The following CNTNAP2 variants were observed in gnomAD, a reference collection of about 807,000 sequenced individuals.
CNTNAP2 encodes the protein contactin-associated protein-like 2.
CNTNAP2 carries 98 observed loss-of-function variants against 155.2 expected under a neutral mutation model. That is an observed-to-expected ratio of 0.63 (90% confidence interval 0.54 to 0.75). CNTNAP2 has a LOEUF of 0.75. Among genes scored for constraint, CNTNAP2 ranks in the 30% least tolerant of loss-of-function variants. The probability of loss-of-function intolerance (pLI) is 0.00; values close to 1 mark genes in which losing one functional copy is unlikely to be tolerated. For missense variants in CNTNAP2, 1,727 were observed against 1,688.1 expected, an observed-to-expected ratio of 1.02 and a Z score of -0.40; for synonymous variants, 651 against 631.2, an observed-to-expected ratio of 1.03 and a Z score of -0.47.
intron 18 of CNTNAP2, among the ~76,000 whole-genome samples, chr7:148,193,034 T>C (rs986495041): frequency 4.6e-5 from 7 of 152,302 alleles, no homozygotes; most frequent in East Asian, 1.9e-4. Context: ...AAAATGAAGA[T>C]TTTTTTCCTC....
At chr7:146,890,557 A>G (rs6464778) in intron 3 of CNTNAP2, among the ~76,000 whole-genome samples, 56,395 of 152,080 alleles carry the variant, frequency 0.37, 12,289 homozygotes, top group East Asian at 0.65. Flanking sequence ...CTGTTGAGTT[A>G]TAATTTATTT....
intron 14 of CNTNAP2, among the ~76,000 whole-genome samples, chr7:147,929,093 A>C (rs1298474911): frequency 2.7e-5 from 2 of 74,210 alleles, no homozygotes; most frequent in African/African-American, 1.8e-4. Context: ...ACTCCATCCC[A>C]AAAAAAAAAA....
intron 20 of CNTNAP2, among the ~76,000 whole-genome samples, chr7:148,244,352 A>G (rs1315703006): frequency 6.6e-6 from 1 of 152,184 alleles, no homozygotes; most frequent in East Asian, 1.9e-4. Flanking sequence ...ATTTATAAAA[A>G]CAATATTGAT....
chr7:147,639,827 G>T (rs186719195), intron 13 of CNTNAP2, among the ~76,000 whole-genome samples: 2 of 152,220 alleles, frequency 1.3e-5, no homozygotes, highest in Non-Finnish European at 2.9e-5. Context: ...GCTAGTGTGT[G>T]TGTGAGTGTG....
chr7:148,081,143 A>G (rs1803595851), intron 15 of CNTNAP2, among the ~76,000 whole-genome samples: 1 of 152,238 alleles, frequency 6.6e-6, no homozygotes, highest in Non-Finnish European at 1.5e-5. Context: ...AGAAGTTAGT[A>G]TCTTAAGCAA....
At chr7:147,906,298 T>A (rs1412845921) in intron 14 of CNTNAP2, among the ~76,000 whole-genome samples, 1 of 151,878 alleles carries the variant, frequency 6.6e-6, no homozygotes, top group African/African-American at 2.4e-5. Context: ...TTCAAGCAAT[T>A]CTCCTGCCTC....
At chr7:147,113,895 G>C (rs934135839) in intron 5 of CNTNAP2, among the ~76,000 whole-genome samples, 7 of 152,054 alleles carry the variant, frequency 4.6e-5, no homozygotes, top group Non-Finnish European at 8.8e-5. Context: ...AATTCTTTTA[G>C]TTGTGATGCT....
intron 8 of CNTNAP2, among the ~76,000 whole-genome samples, chr7:147,271,052 A>G (rs10276382): frequency 0.23 from 35,105 of 152,020 alleles, 5,220 homozygotes; most frequent in East Asian, 0.76. Flanking sequence ...TTGTATCTCT[A>G]CCAGCTCATT....
chr7:146,876,477 T>C (rs1795431334), intron 3 of CNTNAP2, among the ~76,000 whole-genome samples: 1 of 152,172 alleles, frequency 6.6e-6, no homozygotes, highest in Admixed American at 6.6e-5. Flanking sequence ...AAAATAAATG[T>C]CCTTCCTAGA....
intron 18 of CNTNAP2, among the ~76,000 whole-genome samples, chr7:148,193,854 G>A (rs1795235277): frequency 6.6e-6 from 1 of 151,674 alleles, no homozygotes; most frequent in Non-Finnish European, 1.5e-5. Flanking sequence ...GTCCACTGCT[G>A]TTCATTCCCA....
At chr7:148,386,345 C>A (rs370870876) in intron 22 of CNTNAP2, among the ~76,000 whole-genome samples, 2 of 151,912 alleles carry the variant, frequency 1.3e-5, no homozygotes, top group South Asian at 4.2e-4. Flanking sequence ...CTGACCAACA[C>A]GGTGAAAGCC....
chr7:146,408,856 AAAAAAGAAT>A (rs1795829299), intron 1 of CNTNAP2, among the ~76,000 whole-genome samples: 2 of 152,168 alleles, frequency 1.3e-5, no homozygotes, highest in African/African-American at 4.8e-5. Context: ...GATATTAAAA[AAAAAAGAAT>A]CAAGAAAAGA....
At chr7:148,016,880 G>A (rs1243743291) in intron 15 of CNTNAP2, among the ~76,000 whole-genome samples, 1 of 152,128 alleles carries the variant, frequency 6.6e-6, no homozygotes, top group African/African-American at 2.4e-5. Flanking sequence ...CTGCAGATCT[G>A]TCAAATTGTT....
intron 8 of CNTNAP2, among the ~76,000 whole-genome samples, chr7:147,164,807 T>A (rs1160868652): frequency 6.6e-6 from 1 of 152,208 alleles, no homozygotes; most frequent in Non-Finnish European, 1.5e-5. Context: ...GTGATTTTTG[T>A]TGTGTTTTAA....
At chr7:147,415,426 G>A (rs750988783) in intron 10 of CNTNAP2, among the ~76,000 whole-genome samples, 1 of 152,122 alleles carries the variant, frequency 6.6e-6, no homozygotes, top group Non-Finnish European at 1.5e-5. Flanking sequence ...TCATGGGCAT[G>A]GTTTCCCCCA....
At chr7:146,725,240 T>G (rs1563205581) in intron 1 of CNTNAP2, among the ~76,000 whole-genome samples, 1 of 152,174 alleles carries the variant, frequency 6.6e-6, no homozygotes, top group Non-Finnish European at 1.5e-5. Flanking sequence ...TCATTTAGCT[T>G]CATTTCATCT....
intron 11 of CNTNAP2, among the ~76,000 whole-genome samples, chr7:147,519,324 C>T (rs1420509199): frequency 6.6e-6 from 1 of 152,132 alleles, no homozygotes; most frequent in East Asian, 1.9e-4. Flanking sequence ...CATCGCATTG[C>T]TCTGGCACTG....
chr7:148,326,355 G>C (rs776412597), intron 21 of CNTNAP2, among the ~76,000 whole-genome samples: 4 of 152,002 alleles, frequency 2.6e-5, no homozygotes, highest in Non-Finnish European at 5.9e-5. Flanking sequence ...CATTGTGTAT[G>C]GTTTCCATGA....
intron 3 of CNTNAP2, among the ~76,000 whole-genome samples, chr7:146,937,516 T>C (rs1796944689): frequency 6.6e-6 from 1 of 152,170 alleles, no homozygotes. Context: ...AACCTTGCTA[T>C]GGGTAGTGCT....
Sources: allele counts gnomAD v4.1 joint callset (sites outside exome capture counted in the v4.1 genomes callset), GRCh38; gene constraint gnomAD v4.1.1; transcripts MANE v1.5; gene names NCBI Gene and HGNC (gene_info 2026-07-23, HGNC 2026-07-21).